The following SAMMSON variants were observed in gnomAD, a reference collection of about 807,000 sequenced individuals.
SAMMSON encodes survival associated mitochondrial melanoma specific oncogenic non-coding RNA, also known as long intergenic non-protein coding RNA 1212.
chr3:70,164,153 G>C (rs1421993093), intron 4 of SAMMSON, among the ~76,000 whole-genome samples: 1 of 151,926 alleles, frequency 6.6e-6, no homozygotes, highest in Non-Finnish European at 1.5e-5. Flanking sequence ...TCATTTGAGG[G>C]GGAAACAAGT....
intron 6 of SAMMSON, among the ~76,000 whole-genome samples, chr3:70,277,513 C>G (rs1470803917): frequency 6.6e-6 from 1 of 152,164 alleles, no homozygotes; most frequent in African/African-American, 2.4e-5. Flanking sequence ...AAGCTGATCT[C>G]TGAACGAACA....
chr3:70,343,368 A>G (rs1371934487), intron 7 of SAMMSON, among the ~76,000 whole-genome samples: 2 of 152,116 alleles, frequency 1.3e-5, no homozygotes, highest in Non-Finnish European at 2.9e-5. Flanking sequence ...ATTAATAATT[A>G]TGCCTCCTTT....
chr3:70,302,159 T>A (rs1431516370), intron 7 of SAMMSON, among the ~76,000 whole-genome samples: 1 of 152,174 alleles, frequency 6.6e-6, no homozygotes, highest in East Asian at 1.9e-4. Flanking sequence ...GCTGCACATT[T>A]ACTTCTCGAC....
intron 4 of SAMMSON, among the ~76,000 whole-genome samples, chr3:70,209,216 A>G (rs954433290): frequency 6.6e-6 from 1 of 152,066 alleles, no homozygotes; most frequent in African/African-American, 2.4e-5. Flanking sequence ...ATTTTTTGGC[A>G]TGGAGAGATT....
chr3:70,416,187 T>C (rs1701263410), intron 2 of SAMMSON, among the ~76,000 whole-genome samples: 1 of 152,208 alleles, frequency 6.6e-6, no homozygotes, highest in Non-Finnish European at 1.5e-5. Context: ...TCAAACTTGT[T>C]TCCAACATTG....
chr3:70,274,112 T>A (rs1702000040), intron 6 of SAMMSON, among the ~76,000 whole-genome samples: 1 of 151,514 alleles, frequency 6.6e-6, no homozygotes, highest in African/African-American at 2.4e-5. Context: ...TGTGTGTGTG[T>A]GAGACTGGGC....
intron 6 of SAMMSON, among the ~76,000 whole-genome samples, chr3:70,287,338 G>A: frequency 7.1e-6 from 1 of 140,984 alleles, no homozygotes; most frequent in South Asian, 2.5e-4. Flanking sequence ...GTCTTTGGCT[G>A]TGTTTATATG....
intron 7 of SAMMSON, among the ~76,000 whole-genome samples, chr3:70,338,013 A>T (rs563123575): frequency 6.6e-6 from 1 of 151,854 alleles, no homozygotes; most frequent in East Asian, 1.9e-4. Context: ...TGTAAAGATT[A>T]TAGTCATCTG....
intron 4 of SAMMSON, among the ~76,000 whole-genome samples, chr3:70,080,143 T>G (rs186713424): frequency 6.6e-6 from 1 of 152,294 alleles, no homozygotes; most frequent in Admixed American, 6.5e-5. Flanking sequence ...CTAGGTGAGG[T>G]GAGGACAGCG....
At chr3:70,228,799 T>C in intron 4 of SAMMSON, among the ~76,000 whole-genome samples, 1 of 152,056 alleles carries the variant, frequency 6.6e-6, no homozygotes, top group East Asian at 1.9e-4. Flanking sequence ...TTTCTCTACC[T>C]ATTAAGATGG....
intron 2 of SAMMSON, among the ~76,000 whole-genome samples, chr3:70,416,895 G>A (rs529198650): frequency 6.6e-6 from 1 of 152,232 alleles, no homozygotes; most frequent in African/African-American, 2.4e-5. Context: ...TGTCCCTGGA[G>A]TAAGCCATTG....
At chr3:70,381,937 C>T (rs1703072050) in intron 9 of SAMMSON, among the ~76,000 whole-genome samples, 2 of 152,060 alleles carry the variant, frequency 1.3e-5, no homozygotes, top group Admixed American at 6.6e-5. Context: ...GAAATATGAT[C>T]ATGGACCATA....
chr3:70,345,079 A>G (rs1420992097), intron 7 of SAMMSON, among the ~76,000 whole-genome samples: 1 of 152,208 alleles, frequency 6.6e-6, no homozygotes, highest in African/African-American at 2.4e-5. Flanking sequence ...GTAACAATCT[A>G]TATCTATATG....
chr3:70,242,320 C>G (rs1314429472), intron 4 of SAMMSON, among the ~76,000 whole-genome samples: 1 of 152,152 alleles, frequency 6.6e-6, no homozygotes, highest in Non-Finnish European at 1.5e-5. Context: ...TAGTGACATC[C>G]TCTTGATCTT....
At chr3:70,007,132 G>T (rs1576092895) in intron 1 of SAMMSON, among the ~76,000 whole-genome samples, 1 of 152,118 alleles carries the variant, frequency 6.6e-6, no homozygotes, top group Non-Finnish European at 1.5e-5. Flanking sequence ...CTTTATAGCA[G>T]CATGATTTAT....
intron 6 of SAMMSON, among the ~76,000 whole-genome samples, chr3:70,273,466 G>C (rs1157785050): frequency 3.3e-5 from 5 of 152,106 alleles, no homozygotes; most frequent in African/African-American, 1.2e-4. Flanking sequence ...CATCACTCAG[G>C]AGATCGTCCA....
rs1051899221 is a variant in SAMMSON, at chr3:70,168,811, A to G, written n.508-80296A>G. Among the ~76,000 whole-genome samples, 4 of 152,068 alleles carry G rather than the reference A, an allele frequency of 2.6e-5. No individual in the cohort carries two copies. The South Asian group carries it at 6.2e-4, about 24-fold the overall frequency. ...TCTCATCATTGTAATTTCTTGTACT[A>G]TTCTAAAGGGGGTTATTGGTTACTT... is the stretch of plus-strand genomic sequence containing the variant. On this transcript the variant is annotated intron_variant and non_coding_transcript_variant, in intron 4 of 9. Coordinates refer to ENST00000642114, the Ensembl canonical transcript of SAMMSON.
chr3:70,301,860 A>G (rs1702351638), intron 7 of SAMMSON, among the ~76,000 whole-genome samples: 1 of 152,086 alleles, frequency 6.6e-6, no homozygotes. Flanking sequence ...ATAATGCTGA[A>G]TTTTCTAAAT....
intron 6 of SAMMSON, among the ~76,000 whole-genome samples, chr3:70,261,124 G>C (rs79993045): frequency 0.089 from 13,551 of 152,146 alleles, 916 homozygotes; most frequent in East Asian, 0.36. Flanking sequence ...ACAAAAATCA[G>C]ATGTCCATTA....
Sources: gnomAD v4.1 joint callset for allele counts (sites outside exome capture counted in the v4.1 genomes callset) on GRCh38, gnomAD v4.1.1 for gene constraint, MANE v1.5 for transcripts, NCBI Gene and HGNC (gene_info 2026-07-23, HGNC 2026-07-21) for gene names.